The following ELAPOR1 variants were observed in gnomAD, a reference collection of about 807,000 sequenced individuals.
ELAPOR1 encodes endosome/lysosome-associated apoptosis and autophagy regulator 1.
Under a neutral mutation model 119.7 loss-of-function variants are expected in ELAPOR1, and 77 were observed. The ratio of observed to expected loss-of-function variants is 0.64; its 90% CI spans 0.54 to 0.78. The LOEUF (loss-of-function observed/expected upper bound fraction) is 0.78. ELAPOR1 is among the 30% of genes least tolerant of loss of function. The pLI is 0.00. For missense variants in ELAPOR1, 1,115 were observed against 1,270.4 expected (o/e 0.88, Z 1.86); for synonymous variants, 481 against 487.2 (o/e 0.99, Z 0.17).
rs1435812601 is a variant in ELAPOR1, at chr1:109,148,239, A to G, written c.154-13655A>G. 2.8e-5 allele frequency among the ~76,000 whole-genome samples: 3 copies of G among 108,832 alleles called. No homozygotes were observed. The Admixed American group carries it at 2.9e-4, about 11-fold the overall frequency. The allele number at this position is 108,832 out of a possible 152,430, so 71.4% of individuals were successfully genotyped here. Reference sequence around the variant, plus strand: ...CTGCAACCTCCGCCTCCCAGGTTCAAGCGATTCTCCTGCCTCAGTCCCCCG... The same window carrying G: ...CTGCAACCTCCGCCTCCCAGGTTCAGGCGATTCTCCTGCCTCAGTCCCCCG... On this transcript the variant is annotated intron_variant, in intron 1 of 21. Coordinates refer to ENST00000369939, the MANE Select transcript of ELAPOR1 (RefSeq NM_020775.5).
At chr1:109,197,694 T>C (rs112853301) in intron 16 of ELAPOR1, 40 bp downstream of exon 16, 5 of 1,458,314 alleles carry the variant, frequency 3.4e-6, no homozygotes, top group Non-Finnish European at 4.6e-6. Context: ...TGAGAGTGTG[T>C]GTGTGTGTGT....
At chr1:109,196,791 T>C (rs1265750925) in intron 15 of ELAPOR1, among the ~76,000 whole-genome samples, 1 of 152,106 alleles carries the variant, frequency 6.6e-6, no homozygotes, top group Non-Finnish European at 1.5e-5. Context: ...GAAGCGATTC[T>C]CCTGCCTCAG....
chr1:109,120,684 A>G (rs1648349967), intron 1 of ELAPOR1, among the ~76,000 whole-genome samples: 1 of 151,942 alleles, frequency 6.6e-6, no homozygotes, highest in Admixed American at 6.6e-5. Context: ...AACTGTGGGG[A>G]CACTCTCTCT....
Position 109,205,590 on chromosome 1 carries a change from A to T in ELAPOR1, c.*2578A>T, listed in dbSNP as rs1342579777. 4 of 152,206 alleles carry T rather than the reference A, an allele frequency of 2.6e-5. No homozygotes were observed. The highest frequency in any genetic ancestry group is 7.2e-5 in the African/African-American group (3 of 41,458). 9.4% of individuals were successfully genotyped at this position (152,206 alleles called of 1,614,324 possible). A position where few individuals can be genotyped will look rare whatever the true frequency, so the allele number is the denominator to read the frequency against. ...ACGCAGCTCCTGAGCTCCAGCCTAA[A>T]GTCTTCTGTAGCCTCAGCAATACTT... On this transcript the variant is annotated 3_prime_UTR_variant, in exon 22 of 22. Transcript: ENST00000369939.
At chr1:109,132,233 C>T (rs956973424) in intron 1 of ELAPOR1, among the ~76,000 whole-genome samples, 4 of 152,068 alleles carry the variant, frequency 2.6e-5, no homozygotes, top group Non-Finnish European at 2.9e-5. Context: ...CTGCAACCTC[C>T]GCCTCCTGGG....
At position 109,198,680 on chromosome 1, in the gene ELAPOR1, C is replaced by T; in HGVS notation, c.2501+6C>T. ...GGAAGTTTGCTGCTGCCAGGGTAAG[C>T]CCTGCAAAGGGATGTAACAAAGGCC... On this transcript the variant is annotated splice_donor_region_variant and intron_variant, in intron 18 of 21. Transcript: ENST00000369939. 1.9e-6 allele frequency: 3 copies of T among 1,610,704 alleles called. No individual in the cohort carries two copies. In the South Asian group the frequency reaches 3.3e-5, roughly 18 times the overall value.
At chr1:109,183,447 A>C (rs1652842330) in intron 7 of ELAPOR1, among the ~76,000 whole-genome samples, 2 of 152,212 alleles carry the variant, frequency 1.3e-5, no homozygotes, top group African/African-American at 4.8e-5. Context: ...AGTTCTCACT[A>C]TCCAGAGGTT....
At position 109,122,072 on chromosome 1, in the gene ELAPOR1, C is replaced by CT. The variant is rs535259096; in HGVS notation, c.153+7751dup. Reference sequence around the variant, plus strand: ...CAGGCATGAGCCACCACAGCTGGCTCTTTTTTTTTTTTTTTGAGACAGAGT... The same window carrying CT: ...CAGGCATGAGCCACCACAGCTGGCTCTTTTTTTTTTTTTTTTGAGACAGAGT... On this transcript the variant is annotated intron_variant, in intron 1 of 21. Transcript: ENST00000369939. 3.2e-3 allele frequency among the ~76,000 whole-genome samples: 432 copies of CT among 136,862 alleles called. 3 individuals carry two copies. The highest frequency in any genetic ancestry group is 7.5e-3 in the South Asian group (32 of 4,252). 89.8% of individuals were successfully genotyped at this position (136,862 alleles called of 152,430 possible).
intron 1 of ELAPOR1, among the ~76,000 whole-genome samples, chr1:109,137,979 A>G (rs564169462): frequency 1.3e-5 from 2 of 152,370 alleles, no homozygotes; most frequent in Non-Finnish European, 2.9e-5. Context: ...AAGTTAGCTG[A>G]GGCCTAGAAA....
intron 1 of ELAPOR1, among the ~76,000 whole-genome samples, chr1:109,139,982 C>T (rs1432366261): frequency 6.6e-6 from 1 of 152,116 alleles, no homozygotes; most frequent in Non-Finnish European, 1.5e-5. Flanking sequence ...AGGCTGGTCT[C>T]GAACTCCTGA....
At chr1:109,172,719 C>G in intron 5 of ELAPOR1, 151 bp downstream of exon 5, 1 of 635,552 alleles carries the variant, frequency 1.6e-6, no homozygotes, top group Non-Finnish European at 2.8e-6. Flanking sequence ...TTACTGTCCT[C>G]TAGCATTGAC....
At chr1:109,157,418 T>G (rs1023388689) in intron 1 of ELAPOR1, among the ~76,000 whole-genome samples, 2 of 152,182 alleles carry the variant, frequency 1.3e-5, no homozygotes, top group East Asian at 1.9e-4. Flanking sequence ...ATCTTAATCA[T>G]GCTCACAGAG....
Position 109,179,041 on chromosome 1 carries a change from C to T in ELAPOR1, c.952+5204C>T, listed in dbSNP as rs187187571. Among the ~76,000 whole-genome samples the T allele has an allele frequency of 3.0e-4, 45 of 151,534 alleles. No homozygotes were observed. The East Asian group carries it at 3.9e-3, about 13-fold the overall frequency. ...CTAGAAAAGAAGGAAAAGTTTCACTCGCTAAGATCTGGAAAGATGAAAGGT... is the reference window on the plus strand; with the variant it reads ...CTAGAAAAGAAGGAAAAGTTTCACTTGCTAAGATCTGGAAAGATGAAAGGT... On this transcript the variant is annotated intron_variant, in intron 7 of 21. Coordinates refer to ENST00000369939, the MANE Select transcript of ELAPOR1 (RefSeq NM_020775.5).
In ELAPOR1 at chr1:109,199,993, C is replaced by T; in HGVS notation, c.2628+13C>T. 1.2e-6 allele frequency: 2 copies of T among 1,614,022 alleles called. No individual in the cohort carries two copies. The highest frequency in any genetic ancestry group is 1.7e-6 in the Non-Finnish European group (2 of 1,179,916). ...GGCTGGGATCCAGGTGGGTTTCCCTCTGATCGGGCACTTCCATGAGAGAAG... is the reference window on the plus strand; with the variant it reads ...GGCTGGGATCCAGGTGGGTTTCCCTTTGATCGGGCACTTCCATGAGAGAAG... On this transcript the variant is annotated intron_variant, in intron 19 of 21. Coordinates refer to ENST00000369939, the MANE Select transcript of ELAPOR1 (RefSeq NM_020775.5).
chr1:109,172,363 C>T (rs2101059487), intron 4 of ELAPOR1, 125 bp from the exon 5 acceptor site: 1 of 702,582 alleles, frequency 1.4e-6, no homozygotes, highest in Non-Finnish European at 2.5e-6. Context: ...GAGCTCAATC[C>T]CTAAAGGAAA....
intron 7 of ELAPOR1, among the ~76,000 whole-genome samples, chr1:109,177,957 C>T (rs1220976717): frequency 6.6e-6 from 1 of 151,488 alleles, no homozygotes; most frequent in Non-Finnish European, 1.5e-5. Context: ...CCTTCTGCCA[C>T]TGATTTCTCA....
intron 15 of ELAPOR1, among the ~76,000 whole-genome samples, chr1:109,195,065 G>A (rs1291189803): frequency 6.6e-6 from 1 of 152,048 alleles, no homozygotes; most frequent in South Asian, 2.1e-4. Context: ...AGCTGAGATT[G>A]CGCCATTGCA....
chr1:109,117,396 A>G (rs972443641), intron 1 of ELAPOR1, among the ~76,000 whole-genome samples: 2 of 152,234 alleles, frequency 1.3e-5, no homozygotes, highest in Non-Finnish European at 2.9e-5. Flanking sequence ...AGGAGCAGAA[A>G]GCTGCCTTTA....
chr1:109,184,545 C>T (rs1652932331), intron 7 of ELAPOR1, among the ~76,000 whole-genome samples: 1 of 152,200 alleles, frequency 6.6e-6, no homozygotes, highest in Non-Finnish European at 1.5e-5. Context: ...TATATTAGAA[C>T]ATTCATAGAA....
Sources: gnomAD v4.1 joint callset for allele counts (sites outside exome capture counted in the v4.1 genomes callset) on GRCh38, gnomAD v4.1.1 for gene constraint, MANE v1.5 for transcripts, NCBI Gene and HGNC (gene_info 2026-07-23, HGNC 2026-07-21) for gene names.